Variants in NBAS observed in about 807,000 individuals in gnomAD.
NBAS encodes the protein NAG/BC035112 fusion.
Under a neutral mutation model 302.5 loss-of-function variants are expected in NBAS, and 219 were observed. The ratio of observed to expected loss-of-function variants is 0.72; its 90% CI spans 0.65 to 0.81. The LOEUF (loss-of-function observed/expected upper bound fraction) is 0.81, where lower values mean the gene tolerates loss of function less well. Ranked by LOEUF, NBAS falls within the 30% of genes least tolerant of loss-of-function variation. The pLI, the probability that NBAS is intolerant of heterozygous loss-of-function variation, is 0.00. For synonymous variants in NBAS, 1,118 were observed against 1,021.6 expected (o/e 1.09, Z -1.80); for missense variants, 2,932 against 2,841.6 (o/e 1.03, Z -0.72).
At chr2:15,375,178 G>A (rs1305642262) in intron 30 of NBAS, among the ~76,000 whole-genome samples, 2 of 152,194 alleles carry the variant, frequency 1.3e-5, no homozygotes, top group Non-Finnish European at 2.9e-5. Context: ...AAATGACTTA[G>A]GGAAATGCAG....
chr2:15,542,725 T>C (rs1663910570), intron 6 of NBAS, among the ~76,000 whole-genome samples: 2 of 152,096 alleles, frequency 1.3e-5, no homozygotes, highest in Admixed American at 1.3e-4. Context: ...AATTGACATA[T>C]GCACAGATGC....
chr2:15,418,158 A>C (rs1438102377), intron 23 of NBAS, among the ~76,000 whole-genome samples: 1 of 152,224 alleles, frequency 6.6e-6, no homozygotes, highest in Non-Finnish European at 1.5e-5. Context: ...CCTGTATAGT[A>C]TCTATCCTTT....
chr2:15,542,289 A>C (rs1355566347), intron 6 of NBAS, among the ~76,000 whole-genome samples: 1 of 95,756 alleles, frequency 1.0e-5, no homozygotes, highest in Non-Finnish European at 2.3e-5. Context: ...ACTAAGAAAA[A>C]TTCTTCTGCC....
chr2:14,928,153 G>A, the NBAS span, among the ~76,000 whole-genome samples: 2 of 152,174 alleles, frequency 1.3e-5, no homozygotes, highest in African/African-American at 2.4e-5. Context: ...ATACAAATGA[G>A]TGGGTTTTCT....
intron 38 of NBAS, among the ~76,000 whole-genome samples, chr2:15,309,737 C>A (rs767399409): frequency 6.6e-6 from 1 of 152,188 alleles, no homozygotes; most frequent in African/African-American, 2.4e-5. Flanking sequence ...CTCCTCATCA[C>A]GCTCCACAAA....
At chr2:15,247,801 A>G (rs1215688521) in intron 44 of NBAS, among the ~76,000 whole-genome samples, 1 of 151,826 alleles carries the variant, frequency 6.6e-6, no homozygotes, top group African/African-American at 2.4e-5. Context: ...ATACGGGCTC[A>G]TAAAGCAAGT....
the NBAS span, among the ~76,000 whole-genome samples, chr2:14,974,654 T>C: frequency 6.6e-6 from 1 of 152,198 alleles, no homozygotes; most frequent in Non-Finnish European, 1.5e-5. Flanking sequence ...TAAGGGCCCA[T>C]TCTATGCTTG....
chr2:15,459,746 T>TG (rs1679425819), intron 21 of NBAS, among the ~76,000 whole-genome samples: 1 of 152,212 alleles, frequency 6.6e-6, no homozygotes, highest in Non-Finnish European at 1.5e-5. Context: ...CCCAAAGTGC[T>TG]GGGATTACAG....
the NBAS span, among the ~76,000 whole-genome samples, chr2:14,799,655 A>C: frequency 6.6e-6 from 1 of 152,154 alleles, no homozygotes; most frequent in African/African-American, 2.4e-5. Context: ...TTACTGAGAG[A>C]AGATTGTTGA....
the NBAS span, among the ~76,000 whole-genome samples, chr2:15,122,680 T>C: frequency 2.0e-5 from 3 of 152,212 alleles, 1 homozygote; most frequent in South Asian, 4.1e-4. Context: ...AGCAGAGCTT[T>C]CCAAACTCAA....
At chr2:15,509,978 T>C (rs182485881) in intron 10 of NBAS, among the ~76,000 whole-genome samples, 2 of 152,292 alleles carry the variant, frequency 1.3e-5, no homozygotes, top group African/African-American at 2.4e-5. Flanking sequence ...GCCTCCTGAG[T>C]AGCTGGGATT....
chr2:14,837,806 T>A, the NBAS span, among the ~76,000 whole-genome samples: 1 of 151,866 alleles, frequency 6.6e-6, no homozygotes, highest in African/African-American at 2.4e-5. Context: ...TTCCTTGTAT[T>A]TAATTTCTTT....
the NBAS span, among the ~76,000 whole-genome samples, chr2:14,838,388 G>T: frequency 6.6e-6 from 1 of 151,812 alleles, no homozygotes; most frequent in African/African-American, 2.4e-5. Flanking sequence ...CAAAGTTCTA[G>T]AGCTTGTATT....
the NBAS span, among the ~76,000 whole-genome samples, chr2:14,829,663 C>T: frequency 4.6e-5 from 7 of 152,250 alleles, no homozygotes; most frequent in East Asian, 1.4e-3. Context: ...TCACACCATG[C>T]CACTCATAGA....
At chr2:14,866,432 T>G in the NBAS span, among the ~76,000 whole-genome samples, 1 of 152,196 alleles carries the variant, frequency 6.6e-6, no homozygotes, top group African/African-American at 2.4e-5. Flanking sequence ...AATAAATTGC[T>G]AATACAAATA....
intron 22 of NBAS, among the ~76,000 whole-genome samples, chr2:15,425,657 A>G (rs996637191): frequency 6.6e-6 from 1 of 152,176 alleles, no homozygotes; most frequent in Non-Finnish European, 1.5e-5. Flanking sequence ...CTAGTCTCAC[A>G]GTGTTGTTAA....
intron 11 of NBAS, among the ~76,000 whole-genome samples, chr2:15,492,468 T>C (rs1259327043): frequency 6.6e-6 from 1 of 152,146 alleles, no homozygotes; most frequent in Non-Finnish European, 1.5e-5. Context: ...TGTATTTATT[T>C]ATTTCTGAGA....
chr2:15,175,138 T>C (rs1664475770), intron 51 of NBAS, among the ~76,000 whole-genome samples: 1 of 152,092 alleles, frequency 6.6e-6, no homozygotes, highest in Admixed American at 6.5e-5. Context: ...GGCTAATTTT[T>C]TGTATTTTTA....
chr2:15,359,765 G>C (rs1673803595), intron 32 of NBAS, among the ~76,000 whole-genome samples: 1 of 152,022 alleles, frequency 6.6e-6, no homozygotes, highest in Non-Finnish European at 1.5e-5. Flanking sequence ...ACGGACAGGG[G>C]TTGGTTCATA....
Sources: gnomAD v4.1 joint callset for allele counts (sites outside exome capture counted in the v4.1 genomes callset) on GRCh38, gnomAD v4.1.1 for gene constraint, MANE v1.5 for transcripts, NCBI Gene and HGNC (gene_info 2026-07-23, HGNC 2026-07-21) for gene names.